SGCZ: variants seen among roughly 807,000 people sequenced by gnomAD.
SGCZ encodes the protein zeta-sarcoglycan.
Under a neutral mutation model 41.3 loss-of-function variants are expected in SGCZ, and 40 were observed. The ratio of observed to expected loss-of-function variants is 0.97; its 90% CI spans 0.75 to 1.26. The LOEUF (loss-of-function observed/expected upper bound fraction) is 1.26, where lower values mean the gene tolerates loss of function less well. Ranked by LOEUF, SGCZ falls within the 50% of genes most tolerant of loss-of-function variation. SGCZ has a pLI of 0.00. For synonymous variants in SGCZ, 206 were observed against 137.5 expected, an observed-to-expected ratio of 1.50 and a Z score of -3.49; for missense variants, 552 against 369.8, an observed-to-expected ratio of 1.49 and a Z score of -4.04.
chr8:15,037,584 C>T (rs541958309), intron 1 of SGCZ, among the ~76,000 whole-genome samples: 3 of 152,250 alleles, frequency 2.0e-5, no homozygotes, highest in Admixed American at 6.5e-5. Flanking sequence ...TGTCCACTCT[C>T]ACCACTTCTA....
intron 2 of SGCZ, among the ~76,000 whole-genome samples, chr8:14,490,137 AT>A (rs1432999574): frequency 6.6e-6 from 1 of 152,144 alleles, no homozygotes; most frequent in Non-Finnish European, 1.5e-5. Flanking sequence ...AAGTTCTGGG[AT>A]TACAGGTGTG....
chr8:15,003,335 A>G (rs1336115016), intron 1 of SGCZ, among the ~76,000 whole-genome samples: 1 of 152,126 alleles, frequency 6.6e-6, no homozygotes, highest in African/African-American at 2.4e-5. Flanking sequence ...TTTTATGTAT[A>G]AATTACTCAG....
chr8:14,444,080 A>G (rs939706582), intron 2 of SGCZ, among the ~76,000 whole-genome samples: 5 of 152,244 alleles, frequency 3.3e-5, no homozygotes, highest in African/African-American at 1.2e-4. Flanking sequence ...ATCACTGGCC[A>G]TCAGAGAAAT....
At chr8:14,588,681 T>C (rs1197749106) in intron 1 of SGCZ, among the ~76,000 whole-genome samples, 1 of 152,078 alleles carries the variant, frequency 6.6e-6, no homozygotes, top group Non-Finnish European at 1.5e-5. Flanking sequence ...AGGAACAGAA[T>C]GGAAGAAATG....
intron 2 of SGCZ, among the ~76,000 whole-genome samples, chr8:14,506,801 G>C (rs1802319230): frequency 6.6e-6 from 1 of 152,006 alleles, no homozygotes; most frequent in South Asian, 2.1e-4. Context: ...TCTCTTCCTT[G>C]AAAATCCTGT....
At position 14,360,381 on chromosome 8, in the gene SGCZ, T is replaced by A. The variant is rs1251051386; in HGVS notation, c.235-36177A>T. Among the ~76,000 whole-genome samples, 4 of 152,000 alleles carry A rather than the reference T, an allele frequency of 2.6e-5. No individual in the cohort carries two copies. The East Asian group carries it at 7.7e-4, about 29-fold the overall frequency. ...CAGTGTCTTGCTCTATCACCCAGAC[T>A]GGAGCATGATCTCAACTCGCTGTAA... On this transcript the variant is annotated intron_variant, in intron 2 of 7. Coordinates refer to ENST00000382080, the MANE Select transcript of SGCZ (RefSeq NM_139167.4).
At chr8:15,159,332 GA>G (rs77380784) in intron 1 of SGCZ, among the ~76,000 whole-genome samples, 1 of 151,756 alleles carries the variant, frequency 6.6e-6, no homozygotes, top group Non-Finnish European at 1.5e-5. Flanking sequence ...ATAAGAAACT[GA>G]AAAAAACATG....
intron 5 of SGCZ, among the ~76,000 whole-genome samples, chr8:14,124,487 A>G (rs1212186771): frequency 6.6e-6 from 1 of 152,194 alleles, no homozygotes; most frequent in Non-Finnish European, 1.5e-5. Context: ...TAATTAATAT[A>G]CAGTTGACTT....
At chr8:14,319,313 G>A (rs888950165) in intron 3 of SGCZ, 3 of 151,988 alleles carry the variant, frequency 2.0e-5, no homozygotes, top group African/African-American at 7.2e-5. Flanking sequence ...GCAATATTCA[G>A]TGCTTGGACT....
At chr8:15,036,554 G>A (rs757601077) in intron 1 of SGCZ, among the ~76,000 whole-genome samples, 4 of 151,870 alleles carry the variant, frequency 2.6e-5, no homozygotes, top group Non-Finnish European at 4.4e-5. Flanking sequence ...CGTGTACCCC[G>A]AACTTAAAAG....
At chr8:14,123,937 A>ATAGTC (rs1015031261) in intron 5 of SGCZ, among the ~76,000 whole-genome samples, 6 of 152,204 alleles carry the variant, frequency 3.9e-5, no homozygotes, top group African/African-American at 1.4e-4. Flanking sequence ...AGGCACAAGA[A>ATAGTC]TAGTCTGAGA....
chr8:14,243,036 C>A (rs1218178916), intron 3 of SGCZ, among the ~76,000 whole-genome samples: 1 of 152,134 alleles, frequency 6.6e-6, no homozygotes, highest in African/African-American at 2.4e-5. Context: ...GGTAGCATGA[C>A]CTTGTTTGTC....
chr8:15,037,689 T>C (rs1001672138), intron 1 of SGCZ, among the ~76,000 whole-genome samples: 12 of 152,312 alleles, frequency 7.9e-5, no homozygotes, highest in Middle Eastern at 3.4e-3. Flanking sequence ...AAACTGTCCC[T>C]GTTTGAAGAG....
At chr8:14,982,729 TA>T (rs1585435918) in intron 1 of SGCZ, among the ~76,000 whole-genome samples, 1 of 152,202 alleles carries the variant, frequency 6.6e-6, no homozygotes, top group South Asian at 2.1e-4. Flanking sequence ...TAGAGAAAAC[TA>T]AATCATAGCA....
chr8:14,093,137 T>A (rs1801739939), intron 7 of SGCZ, among the ~76,000 whole-genome samples: 1 of 152,210 alleles, frequency 6.6e-6, no homozygotes, highest in African/African-American at 2.4e-5. Context: ...TATGATTGTC[T>A]GAAGGGTATC....
intron 2 of SGCZ, among the ~76,000 whole-genome samples, chr8:14,427,337 G>GA (rs1402463377): frequency 6.6e-6 from 1 of 151,384 alleles, no homozygotes; most frequent in African/African-American, 2.4e-5. Flanking sequence ...ACTTAAAAGG[G>GA]AAAAACAAAA....
chr8:14,726,324 C>A (rs78834318), intron 1 of SGCZ, among the ~76,000 whole-genome samples: 87,276 of 119,396 alleles, frequency 0.73, 30,775 homozygotes, highest in Admixed American at 0.75. Context: ...ATATATATAT[C>A]TATATATATA....
At chr8:14,231,521 G>C (rs1806571333) in intron 4 of SGCZ, among the ~76,000 whole-genome samples, 1 of 151,770 alleles carries the variant, frequency 6.6e-6, no homozygotes, top group South Asian at 2.1e-4. Context: ...GTATTTAAAA[G>C]ACACACACAC....
intron 2 of SGCZ, among the ~76,000 whole-genome samples, chr8:14,348,652 T>G (rs377135692): frequency 1.3e-5 from 2 of 152,152 alleles, no homozygotes; most frequent in African/African-American, 4.8e-5. Flanking sequence ...GTATGGCTTA[T>G]TCTCCCAAGG....
Sources: allele counts gnomAD v4.1 joint callset (sites outside exome capture counted in the v4.1 genomes callset), GRCh38; gene constraint gnomAD v4.1.1; transcripts MANE v1.5; gene names NCBI Gene and HGNC (gene_info 2026-07-23, HGNC 2026-07-21).